The following CAMK4 variants were observed in gnomAD, a reference collection of about 807,000 sequenced individuals.
CAMK4 encodes the protein calcium/calmodulin dependent protein kinase IV.
CAMK4 carries 22 observed loss-of-function variants against 44.9 expected under a neutral mutation model. That is an observed-to-expected ratio of 0.49 (90% CI 0.35 to 0.70). The LOEUF (loss-of-function observed/expected upper bound fraction) is 0.70. CAMK4 is among the 30% of genes least tolerant of loss of function. The pLI, the probability that CAMK4 is intolerant of heterozygous loss-of-function variation, is 0.01. For synonymous variants in CAMK4, 218 were observed against 215.4 expected, an observed-to-expected ratio of 1.01 and a Z score of -0.11; for missense variants, 498 against 586.8, an observed-to-expected ratio of 0.85 and a Z score of 1.56.
chr5:111,259,022 T>C (rs1488710879), intron 1 of CAMK4, among the ~76,000 whole-genome samples: 2 of 152,172 alleles, frequency 1.3e-5, no homozygotes, highest in African/African-American at 4.8e-5. Flanking sequence ...TATGCTAATT[T>C]GTCAAGTGGT....
At chr5:111,418,652 C>T (rs1752904317) in intron 5 of CAMK4, among the ~76,000 whole-genome samples, 1 of 125,136 alleles carries the variant, frequency 8.0e-6, no homozygotes, top group Non-Finnish European at 1.6e-5. Flanking sequence ...TCCATGTGTT[C>T]TCATTGTTCA....
At chr5:111,462,448 T>C (rs909214833) in intron 7 of CAMK4, among the ~76,000 whole-genome samples, 1 of 152,200 alleles carries the variant, frequency 6.6e-6, no homozygotes, top group African/African-American at 2.4e-5. Context: ...CCAAGTATAG[T>C]TGGCCCATCA....
chr5:111,368,590 T>C (rs1394276247), intron 2 of CAMK4, among the ~76,000 whole-genome samples: 1 of 152,166 alleles, frequency 6.6e-6, no homozygotes, highest in Non-Finnish European at 1.5e-5. Flanking sequence ...ACCCTCAGCT[T>C]ATCCTTCTGG....
chr5:111,258,740 C>CGTGT (rs201959904), intron 1 of CAMK4, among the ~76,000 whole-genome samples: 15,423 of 139,180 alleles, frequency 0.11, 916 homozygotes, highest in Non-Finnish European at 0.13. Flanking sequence ...GAGTTATCAG[C>CGTGT]GTGTGTGTGT....
intron 1 of CAMK4, among the ~76,000 whole-genome samples, chr5:111,250,350 T>G (rs1485445619): frequency 6.6e-6 from 1 of 152,178 alleles, no homozygotes; most frequent in African/African-American, 2.4e-5. Flanking sequence ...ATGGTGTACT[T>G]CTTTAAAGAA....
intron 1 of CAMK4, among the ~76,000 whole-genome samples, chr5:111,238,253 G>A (rs903393368): frequency 1.3e-5 from 2 of 152,154 alleles, no homozygotes; most frequent in African/African-American, 4.8e-5. Context: ...CCTTGTATCT[G>A]CCCATCTTAT....
intron 1 of CAMK4, among the ~76,000 whole-genome samples, chr5:111,287,531 A>G (rs1310284355): frequency 6.6e-6 from 1 of 152,224 alleles, no homozygotes; most frequent in African/African-American, 2.4e-5. Context: ...TTTTAAGGAA[A>G]GTTTACTTTT....
At chr5:111,252,002 C>T (rs1749521840) in intron 1 of CAMK4, among the ~76,000 whole-genome samples, 1 of 152,146 alleles carries the variant, frequency 6.6e-6, no homozygotes, top group African/African-American at 2.4e-5. Flanking sequence ...CGTCTCTGTA[C>T]ATTTTCTTTA....
At chr5:111,245,660 C>G (rs1007466795) in intron 1 of CAMK4, among the ~76,000 whole-genome samples, 1 of 152,156 alleles carries the variant, frequency 6.6e-6, no homozygotes, top group Non-Finnish European at 1.5e-5. Flanking sequence ...ATTCCCTGAT[C>G]TAATATTTTA....
chr5:111,243,847 A>G (rs374660145), intron 1 of CAMK4, among the ~76,000 whole-genome samples: 1 of 152,244 alleles, frequency 6.6e-6, no homozygotes, highest in Non-Finnish European at 1.5e-5. Context: ...CTATAGCTGC[A>G]CGAATGCAAC....
chr5:111,316,684 G>A (rs1414426807), intron 1 of CAMK4, among the ~76,000 whole-genome samples: 1 of 152,120 alleles, frequency 6.6e-6, no homozygotes, highest in African/African-American at 2.4e-5. Context: ...TTTCTTAGGT[G>A]ACATTGTGGT....
At chr5:111,351,263 G>A (rs1356026596) in intron 2 of CAMK4, among the ~76,000 whole-genome samples, 1 of 152,086 alleles carries the variant, frequency 6.6e-6, no homozygotes, top group Non-Finnish European at 1.5e-5. Context: ...GAATCTAGAT[G>A]TACTGTATTA....
chr5:111,429,917 CAAA>C (rs139404786), intron 5 of CAMK4, among the ~76,000 whole-genome samples: 62 of 135,802 alleles, frequency 4.6e-4, no homozygotes, highest in South Asian at 1.4e-3. Flanking sequence ...CAAACTATTC[CAAA>C]AAAAAAAAAA....
chr5:111,359,071 A>G lies in CAMK4; in HGVS notation c.240+14969A>G, dbSNP rs185620533. The stretch of plus-strand genomic sequence containing the variant: ...ATGTATCTTTATAACAGAATGATTT[A>G]TATTCCTTTGGACATATACCCAGTA... On this transcript the variant is annotated intron_variant, in intron 2 of 10. Transcript: ENST00000282356. Among the ~76,000 whole-genome samples the G allele has an allele frequency of 3.1e-3, 473 of 152,264 alleles. 4 individuals carry two copies. The highest frequency in any genetic ancestry group is 0.01 in the Admixed American group (159 of 15,276).
intron 4 of CAMK4, among the ~76,000 whole-genome samples, chr5:111,391,179 AT>A (rs1277162423): frequency 1.3e-5 from 2 of 152,192 alleles, no homozygotes; most frequent in African/African-American, 4.8e-5. Flanking sequence ...TAGGAAGAGA[AT>A]CCAAATTAAT....
At chr5:111,322,732 A>G (rs1367948427) in intron 1 of CAMK4, among the ~76,000 whole-genome samples, 1 of 152,136 alleles carries the variant, frequency 6.6e-6, no homozygotes, top group African/African-American at 2.4e-5. Context: ...ACTGTAAAAC[A>G]AATTATTAAT....
chr5:111,476,651 C>A (rs528229419), intron 8 of CAMK4, among the ~76,000 whole-genome samples: 3 of 152,216 alleles, frequency 2.0e-5, no homozygotes, highest in African/African-American at 7.2e-5. Flanking sequence ...CTAAGAATGC[C>A]ATTAGGCTGA....
chr5:111,424,657 C>T (rs541194016), intron 5 of CAMK4, among the ~76,000 whole-genome samples: 1 of 151,568 alleles, frequency 6.6e-6, no homozygotes, highest in Admixed American at 6.6e-5. Flanking sequence ...CCATGTTAGC[C>T]AGGATGGTCT....
chr5:111,404,088 G>T (rs306099), intron 5 of CAMK4, among the ~76,000 whole-genome samples: 1 of 151,926 alleles, frequency 6.6e-6, no homozygotes, highest in African/African-American at 2.4e-5. Context: ...AAGGAGGAGG[G>T]GTCGGGGTAG....
Sources: gnomAD v4.1 joint callset for allele counts (sites outside exome capture counted in the v4.1 genomes callset) on GRCh38, gnomAD v4.1.1 for gene constraint, MANE v1.5 for transcripts, NCBI Gene and HGNC (gene_info 2026-07-23, HGNC 2026-07-21) for gene names.